TAF1B: variants seen among roughly 807,000 people sequenced by gnomAD.
TAF1B encodes the protein TATA box-binding protein-associated factor RNA polymerase I subunit B.
TAF1B carries 61 observed loss-of-function variants against 83.9 expected under a neutral mutation model. That is an observed-to-expected ratio of 0.73 (90% CI 0.59 to 0.90). The LOEUF is 0.90. TAF1B is among the 40% of genes least tolerant of loss of function. The pLI is 0.00. For synonymous variants in TAF1B, 221 were observed against 224.6 expected (o/e 0.98, Z 0.14); for missense variants, 625 against 677.0 (o/e 0.92, Z 0.85).
intron 3 of TAF1B, among the ~76,000 whole-genome samples, chr2:9,851,062 T>C (rs1029339120): frequency 6.6e-6 from 1 of 152,256 alleles, no homozygotes; most frequent in Non-Finnish European, 1.5e-5. Context: ...AACAGTTCAC[T>C]GTTCCCTTGT....
rs762465007 is a variant in TAF1B, at chr2:9,868,640, GT to G, written c.553+217del. Reference sequence around the variant, plus strand: ...TAAAAGGCACATTGTCTCCATGTGAGTTTTTTGTGTGTGATTTTAAAGGGAC... The same window carrying G: ...TAAAAGGCACATTGTCTCCATGTGAGTTTTTGTGTGTGATTTTAAAGGGAC... On this transcript the variant is annotated intron_variant, in intron 6 of 14. Coordinates refer to ENST00000263663, the MANE Select transcript of TAF1B (RefSeq NM_005680.3). 37 of 734,778 alleles carry G rather than the reference GT, an allele frequency of 5.0e-5. No individual in the cohort carries two copies. In the South Asian group the frequency reaches 5.2e-4, roughly 10 times the overall value. 45.5% of individuals were successfully genotyped at this position (734,778 alleles called of 1,614,324 possible). A position where few individuals can be genotyped will look rare whatever the true frequency, so the allele number is the denominator to read the frequency against.
intron 12 of TAF1B, among the ~76,000 whole-genome samples, chr2:9,915,572 C>A (rs1290401524): frequency 6.6e-6 from 1 of 152,120 alleles, no homozygotes; most frequent in East Asian, 1.9e-4. Context: ...ATTAAAACGA[C>A]AATGACATAT....
chr2:9,895,184 A>G (rs373773835), intron 8 of TAF1B, among the ~76,000 whole-genome samples: 3 of 152,238 alleles, frequency 2.0e-5, no homozygotes, highest in African/African-American at 7.2e-5. Flanking sequence ...AACTCCCAGA[A>G]GACTAGATTT....
chr2:9,903,485 A>G (rs1232811979), intron 8 of TAF1B, among the ~76,000 whole-genome samples: 1 of 152,250 alleles, frequency 6.6e-6, no homozygotes, highest in Non-Finnish European at 1.5e-5. Flanking sequence ...TACAAATGGT[A>G]TATGCAAAAA....
intron 8 of TAF1B, among the ~76,000 whole-genome samples, chr2:9,900,035 C>T (rs1398589553): frequency 6.6e-6 from 1 of 152,144 alleles, no homozygotes; most frequent in African/African-American, 2.4e-5. Flanking sequence ...TTTCCAGTCA[C>T]TCAAAATAAT....
At chr2:9,927,567 C>T (rs1484580891) in intron 14 of TAF1B, among the ~76,000 whole-genome samples, 3 of 152,182 alleles carry the variant, frequency 2.0e-5, no homozygotes, top group Non-Finnish European at 4.4e-5. Context: ...GCCATTCTAA[C>T]TGGTGTGAGA....
chr2:9,885,012 C>G (rs1294133591), intron 8 of TAF1B, among the ~76,000 whole-genome samples: 1 of 152,234 alleles, frequency 6.6e-6, no homozygotes, highest in Non-Finnish European at 1.5e-5. Flanking sequence ...CCATTTCCTT[C>G]TGGCTCAGCG....
rs76525892 is a variant in TAF1B at position 9,853,490 on chromosome 2, C to T, written c.304-836C>T. ...TTGCTTTTTTTTTTTCTTTTTCAGA[C>T]AGGGTCTTGCTCTGTCACCCAGACT... On this transcript the variant is annotated intron_variant, in intron 4 of 14. Transcript: ENST00000263663. 6.7e-3 allele frequency among the ~76,000 whole-genome samples: 1,015 copies of T among 151,318 alleles called. 11 individuals carry two copies. Among genetic ancestry groups the T allele is most frequent in the African/African-American group, 0.024 (980 of 41,194 alleles).
intron 7 of TAF1B, among the ~76,000 whole-genome samples, chr2:9,878,005 T>A (rs1423982976): frequency 6.6e-6 from 1 of 152,202 alleles, no homozygotes; most frequent in Non-Finnish European, 1.5e-5. Flanking sequence ...GAAGAGACTG[T>A]CACCATTGAT....
chr2:9,843,558 C>A lies in TAF1B; in HGVS notation c.17C>A (p.Ala6Glu). Residue 6 changes from alanine to glutamate, a missense_variant and splice_region_variant, in exon 1 of 15, where the codon GCG becomes GAG. Physicochemically the swap from Ala to Glu is moderately radical, Grantham distance 107. Transcript: ENST00000263663. MDLEE[A>E]EEFKERCTQC... The stretch of plus-strand genomic sequence containing the variant: ...GGCGCCGCGATGGACCTCGAGGAGG[C>A]GGTAAGGAGGCGGTGCACCTGGCGG... 1 of 1,520,470 alleles carries A rather than the reference C, an allele frequency of 6.6e-7. No homozygotes were observed. Among genetic ancestry groups the A allele is most frequent in the Non-Finnish European group, 8.8e-7 (1 of 1,130,972 alleles). 94.2% of individuals were successfully genotyped at this position (1,520,470 alleles called of 1,614,324 possible). A position where few individuals can be genotyped will look rare whatever the true frequency, so the allele number is the denominator to read the frequency against.
rs896105754 is a variant in TAF1B at position 9,914,210 on chromosome 2, A to G, written c.1271+961A>G. ...AGGCACTGTGGAGATGATCCTTTCC[A>G]TAGCAGGGAAGTGTGACAGGTTCCC... On this transcript the variant is annotated intron_variant, in intron 12 of 14. Coordinates refer to ENST00000263663, the MANE Select transcript of TAF1B (RefSeq NM_005680.3). This position sits in a 1 kb window ranked among gnomAD's most constrained non-coding sequence, Gnocchi z 4.3. Among the ~76,000 whole-genome samples, 10 of 152,174 alleles carry G rather than the reference A, an allele frequency of 6.6e-5. No homozygotes were observed. The highest frequency in any genetic ancestry group is 5.9e-4 in the Admixed American group (9 of 15,280).
At chr2:9,928,419 G>T (rs558938226) in intron 14 of TAF1B, among the ~76,000 whole-genome samples, 1 of 152,270 alleles carries the variant, frequency 6.6e-6, no homozygotes, top group Non-Finnish European at 1.5e-5. Context: ...GCTTGATGGG[G>T]ATGGCATTGA....
Position 9,854,417 on chromosome 2 carries a change from C to A in TAF1B, c.395C>A (p.Pro132His). ...CCAGTTTATACCACTGGAAGGAAAC[C>A]TACGGTAAGTCACAAGTCTGAAAAG... is the stretch of plus-strand genomic sequence containing the variant. ...KNPVYTTGRKPTVLEDNLSHS... is the reference protein window; with the variant it reads ...KNPVYTTGRKHTVLEDNLSHS... The change falls in exon 5 of 15, where the codon CCT (proline) becomes CAT (histidine). Residue 132 changes from proline (P) to histidine (H), a missense_variant. Transcript: ENST00000263663. 6.2e-7 allele frequency: 1 copy of A among 1,611,968 alleles called. No individual in the cohort carries two copies. Among genetic ancestry groups the A allele is most frequent in the Non-Finnish European group, 8.5e-7 (1 of 1,178,200 alleles).
At chr2:9,909,581 G>A (rs1182858409) in intron 9 of TAF1B, among the ~76,000 whole-genome samples, 1 of 152,166 alleles carries the variant, frequency 6.6e-6, no homozygotes, top group African/African-American at 2.4e-5. Context: ...TGAGAGCAGG[G>A]GAATACGATG....
At chr2:9,929,085 G>T (rs1451051976) in intron 14 of TAF1B, among the ~76,000 whole-genome samples, 1 of 152,182 alleles carries the variant, frequency 6.6e-6, no homozygotes, top group Non-Finnish European at 1.5e-5. Context: ...GTTGAATTTT[G>T]TCGAAGGCCT....
chr2:9,917,647 T>G (rs1372771659), intron 12 of TAF1B, among the ~76,000 whole-genome samples: 1 of 152,200 alleles, frequency 6.6e-6, no homozygotes, highest in Non-Finnish European at 1.5e-5. Flanking sequence ...ACCCAATTAT[T>G]CTTCAACAAA....
intron 8 of TAF1B, among the ~76,000 whole-genome samples, chr2:9,904,543 A>C (rs988805352): frequency 6.6e-6 from 1 of 152,154 alleles, no homozygotes; most frequent in Admixed American, 6.5e-5. Flanking sequence ...TTGCTGTTGT[A>C]AATAGTGCTG....
rs767376387 is a variant in TAF1B at position 9,868,400 on chromosome 2, C to G, written c.524C>G (p.Pro175Arg). 69 of 1,613,184 alleles carry G rather than the reference C, an allele frequency of 4.3e-5. 3 individuals are homozygous for G. In the Middle Eastern group the frequency reaches 8.1e-3, roughly 189 times the overall value. ...CAGTCTGACATCCACACTCGAAAAC[C>G]TTTCCCCGTCAGCAAAGCATCACAA... ...ESQSDIHTRK[P>R]FPVSKASQSE... Residue 175 changes from proline to arginine, a missense_variant, in exon 6 of 15, where the codon CCT becomes CGT. Coordinates refer to ENST00000263663, the MANE Select transcript of TAF1B (RefSeq NM_005680.3).
intron 14 of TAF1B, among the ~76,000 whole-genome samples, chr2:9,921,096 A>G (rs559128487): frequency 6.6e-6 from 1 of 152,216 alleles, no homozygotes; most frequent in African/African-American, 2.4e-5. Context: ...AATACAGTGT[A>G]AATTCTTAAG....
Sources: gnomAD v4.1 joint callset for allele counts (sites outside exome capture counted in the v4.1 genomes callset) on GRCh38, gnomAD v4.1.1 for gene constraint, Gnocchi (gnomAD v3.1) non-coding constraint, MANE v1.5 for transcripts, NCBI Gene and HGNC (gene_info 2026-07-23, HGNC 2026-07-21) for gene names.